The following ARMH3 variants were observed in gnomAD, a reference collection of about 807,000 sequenced individuals.
ARMH3 encodes armadillo like helical domain containing 3.
ARMH3 carries 60 observed loss-of-function variants against 99.1 expected under a neutral mutation model. That is an observed-to-expected ratio of 0.61 (90% CI 0.49 to 0.75). ARMH3 has a LOEUF of 0.75. ARMH3 is among the 30% of genes least tolerant of loss of function. The probability of loss-of-function intolerance (pLI) is 0.00; values close to 1 mark genes in which losing one functional copy is unlikely to be tolerated. For synonymous variants in ARMH3, 285 were observed against 292.8 expected (o/e 0.97, Z 0.27); for missense variants, 679 against 843.1 (o/e 0.81, Z 2.41).
Position 102,023,800 on chromosome 10 carries a change from CT to C in ARMH3, c.508-52del, listed in dbSNP as rs2066940223. On this transcript the variant is annotated intron_variant, in intron 6 of 25. Transcript: ENST00000370033. The stretch of plus-strand genomic sequence containing the variant: ...AGTCTGTTCTGAGGTATTCTGATAT[CT>C]TGTGTAATCTCCTCCCCTAACATCT... 2.7e-6 allele frequency: 4 copies of C among 1,488,728 alleles called. No individual in the cohort carries two copies. In the African/African-American group the frequency reaches 5.6e-5, roughly 21 times the overall value. The allele number at this position is 1,488,728 out of a possible 1,614,324, so 92.2% of individuals were successfully genotyped here. A position where few individuals can be genotyped will look rare whatever the true frequency, so the allele number is the denominator to read the frequency against.
At chr10:101,891,537 T>G (rs910404864) in intron 23 of ARMH3, among the ~76,000 whole-genome samples, 11 of 151,970 alleles carry the variant, frequency 7.2e-5, no homozygotes, top group Admixed American at 7.2e-4. Flanking sequence ...AAAACAAGAG[T>G]TGAGAAATTG....
intron 2 of ARMH3, among the ~76,000 whole-genome samples, chr10:102,033,700 G>C (rs1260769991): frequency 2.0e-5 from 3 of 152,202 alleles, no homozygotes; most frequent in Non-Finnish European, 2.9e-5. Context: ...TTACAGGCGT[G>C]AGCCACCGCA....
chr10:101,876,671 T>C (rs865813175), intron 24 of ARMH3, among the ~76,000 whole-genome samples: 1 of 152,206 alleles, frequency 6.6e-6, no homozygotes, highest in South Asian at 2.1e-4. Context: ...TGGCCTCTGA[T>C]GTTACTGTAA....
intron 22 of ARMH3, among the ~76,000 whole-genome samples, 155 bp downstream of exon 22, chr10:101,956,442 G>A (rs916080442): frequency 6.6e-6 from 1 of 152,152 alleles, no homozygotes; most frequent in African/African-American, 2.4e-5. Context: ...AGGCCCACAT[G>A]TACCTTCCTA....
At chr10:101,870,875 C>A (rs930817784) in intron 24 of ARMH3, among the ~76,000 whole-genome samples, 1 of 151,950 alleles carries the variant, frequency 6.6e-6, no homozygotes, top group Non-Finnish European at 1.5e-5. Flanking sequence ...ACGAGGTTGA[C>A]GCTGCAGTGA....
At chr10:102,022,349 G>A (rs887163316) in intron 8 of ARMH3, among the ~76,000 whole-genome samples, 8 of 151,102 alleles carry the variant, frequency 5.3e-5, no homozygotes, top group South Asian at 2.1e-4. Context: ...AAAATTAGCC[G>A]GGCGTGGTGG....
intron 24 of ARMH3, among the ~76,000 whole-genome samples, chr10:101,884,147 A>G (rs1453878879): frequency 1.3e-5 from 2 of 152,160 alleles, no homozygotes; most frequent in Non-Finnish European, 2.9e-5. Flanking sequence ...TTTAAAAGAG[A>G]AGAGAGCTAG....
At chr10:101,947,930 T>C (rs1844620118) in intron 22 of ARMH3, among the ~76,000 whole-genome samples, 1 of 151,966 alleles carries the variant, frequency 6.6e-6, no homozygotes, top group South Asian at 2.1e-4. Context: ...AATCTTAGAG[T>C]AACTGCTAAA....
intron 22 of ARMH3, among the ~76,000 whole-genome samples, chr10:101,948,901 C>T (rs2135765194): frequency 6.6e-6 from 1 of 151,984 alleles, no homozygotes; most frequent in East Asian, 1.9e-4. Context: ...TATTCTTTGG[C>T]CAAAACAAAA....
At chr10:102,041,099 A>G (rs1406687810) in intron 1 of ARMH3, among the ~76,000 whole-genome samples, 1 of 146,072 alleles carries the variant, frequency 6.8e-6, no homozygotes, top group African/African-American at 2.5e-5. Context: ...TAATATATAT[A>G]TATATATATA....
intron 24 of ARMH3, among the ~76,000 whole-genome samples, chr10:101,876,082 A>C (rs2067254396): frequency 6.6e-6 from 1 of 151,924 alleles, no homozygotes; most frequent in Non-Finnish European, 1.5e-5. Context: ...CCCCATGTCT[A>C]CTAAAAATAC....
intron 24 of ARMH3, among the ~76,000 whole-genome samples, chr10:101,884,776 AAAACAAAACAAAC>A (rs2067499841): frequency 3.3e-5 from 4 of 121,280 alleles, no homozygotes; most frequent in Non-Finnish European, 5.4e-5. Flanking sequence ...CAACAAAAAC[AAAACAAAACAAAC>A]AAACAAAAAA....
intron 24 of ARMH3, among the ~76,000 whole-genome samples, chr10:101,874,175 T>G (rs1402045590): frequency 6.6e-6 from 1 of 152,204 alleles, no homozygotes; most frequent in Non-Finnish European, 1.5e-5. Flanking sequence ...CAAAGTGGTA[T>G]AAGAGAACAT....
intron 15 of ARMH3, among the ~76,000 whole-genome samples, chr10:101,997,179 C>T (rs1448181945): frequency 6.6e-6 from 1 of 151,986 alleles, no homozygotes; most frequent in Non-Finnish European, 1.5e-5. Flanking sequence ...GCAAGAGAAT[C>T]GCTTGAATCC....
rs973963572 is a variant in ARMH3 at position 101,846,536 on chromosome 10, G to A, written c.*992C>T. 1.3e-5 allele frequency: 2 copies of A among 152,488 alleles called. No homozygotes were observed. Among genetic ancestry groups the A allele is most frequent in the African/African-American group, 4.8e-5 (2 of 41,572 alleles). 9.4% of individuals were successfully genotyped at this position (152,488 alleles called of 1,614,324 possible). On this transcript the variant is annotated 3_prime_UTR_variant, in exon 26 of 26. Coordinates refer to ENST00000370033, the MANE Select transcript of ARMH3 (RefSeq NM_024541.3). ...CCTATTGTGCTGATGAGTCAAATGG[G>A]CCAGAAGAAGGGGAAAGCTAACGGT...
At chr10:101,955,053 T>C (rs1215251270) in intron 22 of ARMH3, among the ~76,000 whole-genome samples, 1 of 152,194 alleles carries the variant, frequency 6.6e-6, no homozygotes, top group African/African-American at 2.4e-5. Context: ...CTCTTTACCC[T>C]TGGAAAATTC....
intron 14 of ARMH3, 112 bp from the exon 15 acceptor site, chr10:102,002,184 A>C (rs1318343699): frequency 6.7e-7 from 1 of 1,491,724 alleles, no homozygotes; most frequent in African/African-American, 1.4e-5. Context: ...AGCTTTTTCC[A>C]CAACAGAGGG....
intron 24 of ARMH3, among the ~76,000 whole-genome samples, chr10:101,869,850 T>C (rs1288231379): frequency 6.6e-6 from 1 of 152,100 alleles, no homozygotes; most frequent in Non-Finnish European, 1.5e-5. Flanking sequence ...CTGAGCAACA[T>C]GGCAAAACTC....
In ARMH3 at chr10:101,864,678, G is replaced by C. The variant is rs531934957; in HGVS notation, c.1861-14786C>G. On this transcript the variant is annotated intron_variant, in intron 24 of 25. Coordinates refer to ENST00000370033, the MANE Select transcript of ARMH3 (RefSeq NM_024541.3). Reference sequence around the variant, plus strand: ...AAACACCGCATGTTCTCACTCATAGGTGGGAATTGAACAATGAGAACACTT... The same window carrying C: ...AAACACCGCATGTTCTCACTCATAGCTGGGAATTGAACAATGAGAACACTT... Among the ~76,000 whole-genome samples the C allele has an allele frequency of 2.6e-5, 4 of 152,254 alleles. No individual in the cohort carries two copies. In the East Asian group the frequency reaches 7.7e-4, roughly 29 times the overall value.
Sources: allele counts gnomAD v4.1 joint callset (sites outside exome capture counted in the v4.1 genomes callset), GRCh38; gene constraint gnomAD v4.1.1; transcripts MANE v1.5; gene names NCBI Gene and HGNC (gene_info 2026-07-23, HGNC 2026-07-21).